TSPAN11: variants seen among roughly 807,000 people sequenced by gnomAD.
TSPAN11 encodes the protein tetraspanin 11, also known as tetraspanin-11.
A neutral mutation model predicts 32.9 loss-of-function variants in TSPAN11; 29 were observed. That is an observed-to-expected ratio of 0.88 (90% CI 0.66 to 1.20). TSPAN11 has a LOEUF of 1.20. Among genes scored for constraint, TSPAN11 ranks in the 50% most tolerant of loss-of-function variants. The probability of loss-of-function intolerance (pLI) is 0.00; values close to 1 mark genes in which losing one functional copy is unlikely to be tolerated. For synonymous variants in TSPAN11, 140 were observed against 141.3 expected, an observed-to-expected ratio of 0.99 and a Z score of 0.07; for missense variants, 283 against 329.1, an observed-to-expected ratio of 0.86 and a Z score of 1.08.
chr12:30,945,280 G>A (rs1215026553), intron 1 of TSPAN11, among the ~76,000 whole-genome samples: 1 of 152,080 alleles, frequency 6.6e-6, no homozygotes, highest in Admixed American at 6.5e-5. Flanking sequence ...CCCAGTGTCT[G>A]GAAGTTGTTT....
chr12:31,000,816 C>T (rs79309661), downstream of TSPAN11, among the ~76,000 whole-genome samples: 1 of 152,200 alleles, frequency 6.6e-6, no homozygotes, highest in Non-Finnish European at 1.5e-5. Context: ...TGCACAGGAG[C>T]ACTGAGCCCA....
At chr12:30,966,435 A>G (rs1482209966) in intron 3 of TSPAN11, among the ~76,000 whole-genome samples, 3 of 152,230 alleles carry the variant, frequency 2.0e-5, no homozygotes, top group African/African-American at 7.2e-5. Context: ...TGCATGATAC[A>G]CACTGCTGGT....
At chr12:31,012,863 C>A in the TSPAN11 span, 1 of 152,202 alleles carries the variant, frequency 6.6e-6, no homozygotes, top group African/African-American at 2.4e-5. Flanking sequence ...CCTCAGTTTT[C>A]CCATCTGTAA....
chr12:30,977,265 CTCTG>C (rs1302709069), intron 3 of TSPAN11, among the ~76,000 whole-genome samples: 15 of 152,302 alleles, frequency 9.8e-5, no homozygotes, highest in South Asian at 2.1e-4. Context: ...CTCTGAAATG[CTCTG>C]TCTATCCTGG....
chr12:30,998,341 T>C (rs1939443922), downstream of TSPAN11, among the ~76,000 whole-genome samples: 2 of 152,236 alleles, frequency 1.3e-5, no homozygotes, highest in Non-Finnish European at 2.9e-5. Flanking sequence ...CAAGTGCTGA[T>C]GCCTCATGTC....
At chr12:31,011,677 C>T in the TSPAN11 span, among the ~76,000 whole-genome samples, 3 of 152,058 alleles carry the variant, frequency 2.0e-5, no homozygotes, top group Admixed American at 6.5e-5. Context: ...CACAGGACCC[C>T]TGTGCCACCA....
chr12:30,964,763 T>C (rs1938694110), intron 3 of TSPAN11, among the ~76,000 whole-genome samples: 1 of 152,250 alleles, frequency 6.6e-6, no homozygotes, highest in Non-Finnish European at 1.5e-5. Context: ...CTTAATATCA[T>C]GAAATAACCA....
intron 7 of TSPAN11, among the ~76,000 whole-genome samples, chr12:30,985,665 C>T (rs987550875): frequency 4.6e-5 from 7 of 152,336 alleles, no homozygotes; most frequent in African/African-American, 1.7e-4. Context: ...CAGGCCTGGG[C>T]CACTCTGTCC....
chr12:30,978,605 G>A lies in TSPAN11; in HGVS notation c.321G>A (p.Ala107=), dbSNP rs533960794. Residue 107 remains alanine, a synonymous_variant, in exon 4 of 8, where the codon GCG becomes GCA. Coordinates refer to ENST00000546076, the MANE Select transcript of TSPAN11 (RefSeq NM_001370302.1). Reference sequence around the variant, plus strand: ...TCATCTTCCTGGTTGAGCTGGTGGCGGGAGTCCTGGCCCATGTGTATTACC... The same window carrying A: ...TCATCTTCCTGGTTGAGCTGGTGGCAGGAGTCCTGGCCCATGTGTATTACC... The part of the protein sequence containing the change: ...LLVIFLVELV[A]GVLAHVYYQR... 28 of 1,614,094 alleles carry A rather than the reference G, an allele frequency of 1.7e-5. No individual in the cohort carries two copies. Among genetic ancestry groups the A allele is most frequent in the Non-Finnish European group, 1.8e-5 (21 of 1,180,052 alleles).
chr12:30,955,938 G>A (rs892761516), intron 2 of TSPAN11, among the ~76,000 whole-genome samples: 3 of 152,152 alleles, frequency 2.0e-5, no homozygotes, highest in Admixed American at 6.5e-5. Flanking sequence ...TAAGGATTTC[G>A]ACATATCTTT....
intron 7 of TSPAN11, among the ~76,000 whole-genome samples, chr12:30,984,758 A>G (rs554257667): frequency 8.1e-4 from 123 of 151,648 alleles, no homozygotes; most frequent in Non-Finnish European, 1.4e-3. Context: ...AGGTTTCACC[A>G]TGTTGTCCAG....
At chr12:31,008,892 G>A in the TSPAN11 span, among the ~76,000 whole-genome samples, 8 of 152,200 alleles carry the variant, frequency 5.3e-5, no homozygotes, top group African/African-American at 1.9e-4. Flanking sequence ...TCTAAGAGAA[G>A]GAGAGACTCG....
chr12:30,959,890 GT>G (rs920555460), intron 2 of TSPAN11, among the ~76,000 whole-genome samples: 8 of 151,672 alleles, frequency 5.3e-5, no homozygotes, highest in Admixed American at 4.6e-4. Context: ...ATGCAAAAGA[GT>G]TTTTGGGCTT....
intron 3 of TSPAN11, among the ~76,000 whole-genome samples, chr12:30,972,261 A>G (rs1397830944): frequency 6.6e-6 from 1 of 152,164 alleles, no homozygotes; most frequent in African/African-American, 2.4e-5. Flanking sequence ...GGGCACAGGG[A>G]CCATGAAGGC....
the TSPAN11 span, among the ~76,000 whole-genome samples, chr12:31,011,162 G>A: frequency 6.6e-6 from 1 of 152,198 alleles, no homozygotes; most frequent in Admixed American, 6.5e-5. Flanking sequence ...GGGAGGACGA[G>A]GAGGGCAGAT....
rs185198926 is a variant in TSPAN11, at chr12:30,973,055, T to C, written c.277-5506T>C. On this transcript the variant is annotated intron_variant, in intron 3 of 7. Transcript: ENST00000546076. ...ACCATACCTGCCCTAAAATGCTGAA[T>C]CCACCCTAAGTGAGCCCAGTGAGCT... is the stretch of plus-strand genomic sequence containing the variant. 5.3e-5 allele frequency among the ~76,000 whole-genome samples: 8 copies of C among 152,216 alleles called. No homozygotes were observed. In the East Asian group the frequency reaches 1.5e-3, roughly 29 times the overall value.
At position 30,979,561 on chromosome 12, in the gene TSPAN11, C is replaced by T. The variant is rs753460926; in HGVS notation, c.352-5C>T. ...TGATGGGGACTTCGCTCCTACCCTCCTCAGCTGAGTGATGAACTGAAGCAG... is the reference window on the plus strand; with the variant it reads ...TGATGGGGACTTCGCTCCTACCCTCTTCAGCTGAGTGATGAACTGAAGCAG... On this transcript the variant is annotated splice_polypyrimidine_tract_variant and splice_region_variant and intron_variant, in intron 4 of 7. Coordinates refer to ENST00000546076, the MANE Select transcript of TSPAN11 (RefSeq NM_001370302.1). 1 of 1,614,136 alleles carries T rather than the reference C, an allele frequency of 6.2e-7. No homozygotes were observed. Among genetic ancestry groups the T allele is most frequent in the Non-Finnish European group, 8.5e-7 (1 of 1,179,992 alleles).
chr12:30,948,270 A>T (rs1938309793), intron 1 of TSPAN11, among the ~76,000 whole-genome samples: 1 of 152,194 alleles, frequency 6.6e-6, no homozygotes, highest in Non-Finnish European at 1.5e-5. Context: ...TGGGGTCTGG[A>T]GGACAGTGGC....
intron 5 of TSPAN11, 119 bp from the exon 6 acceptor site, chr12:30,982,413 C>T: frequency 7.1e-7 from 1 of 1,403,134 alleles, no homozygotes; most frequent in African/African-American, 1.4e-5. Context: ...CAAATACTAA[C>T]TAACCATGGT....
Sources: allele counts gnomAD v4.1 joint callset (sites outside exome capture counted in the v4.1 genomes callset), GRCh38; gene constraint gnomAD v4.1.1; transcripts MANE v1.5; gene names NCBI Gene and HGNC (gene_info 2026-07-23, HGNC 2026-07-21).